The following ASTN2 variants were observed in gnomAD, a reference collection of about 807,000 sequenced individuals.
ASTN2 encodes the protein astrotactin-2.
ASTN2 carries 54 observed loss-of-function variants against 139.8 expected under a neutral mutation model. The observed-to-expected ratio is 0.39, with a 90% confidence interval of 0.31 to 0.48. The LOEUF (loss-of-function observed/expected upper bound fraction) is 0.48, where lower values mean the gene tolerates loss of function less well. Among genes scored for constraint, ASTN2 ranks in the 20% least tolerant of loss-of-function variants. ASTN2 has a pLI of 0.95. For missense variants in ASTN2, 1,565 were observed against 1,725.1 expected (o/e 0.91, Z 1.64); for synonymous variants, 756 against 719.5 (o/e 1.05, Z -0.81).
intron 12 of ASTN2, among the ~76,000 whole-genome samples, chr9:116,812,800 G>A (rs1831202060): frequency 1.3e-5 from 2 of 152,048 alleles, no homozygotes; most frequent in African/African-American, 4.8e-5. Context: ...GTGTGTGTAC[G>A]ACTTTAAGCA....
At chr9:117,378,074 G>C (rs1302354286) in intron 1 of ASTN2, among the ~76,000 whole-genome samples, 1 of 152,180 alleles carries the variant, frequency 6.6e-6, no homozygotes, top group East Asian at 1.9e-4. Context: ...TAAAAGGAAT[G>C]GCTTTATATG....
At chr9:117,297,216 C>T (rs944979299) in intron 1 of ASTN2, among the ~76,000 whole-genome samples, 2 of 152,182 alleles carry the variant, frequency 1.3e-5, no homozygotes, top group African/African-American at 4.8e-5. Context: ...GAGAAAGCTT[C>T]CAATGAGTTT....
chr9:116,618,295 C>T, intron 19 of ASTN2, 29 bp downstream of exon 19: 1 of 1,602,812 alleles, frequency 6.2e-7, no homozygotes, highest in South Asian at 1.1e-5. Flanking sequence ...GTCATACTAT[C>T]CCAAGAAAAT....
chr9:116,780,031 A>G (rs1448121284), intron 13 of ASTN2, among the ~76,000 whole-genome samples: 4 of 152,196 alleles, frequency 2.6e-5, no homozygotes, highest in Admixed American at 1.3e-4. Context: ...CTCATCACAC[A>G]TTCATTCACT....
intron 7 of ASTN2, among the ~76,000 whole-genome samples, chr9:116,982,256 C>T (rs1230894300): frequency 6.6e-6 from 1 of 152,206 alleles, no homozygotes; most frequent in Admixed American, 6.5e-5. Flanking sequence ...ATTGATTCTT[C>T]TCTCCCTGAG....
chr9:117,119,084 G>T (rs930122874), intron 4 of ASTN2, among the ~76,000 whole-genome samples: 2 of 152,154 alleles, frequency 1.3e-5, no homozygotes, highest in African/African-American at 4.8e-5. Flanking sequence ...CCAGCATTGG[G>T]TAGGCATTCA....
intron 3 of ASTN2, among the ~76,000 whole-genome samples, chr9:117,170,737 C>T (rs1223596359): frequency 6.6e-6 from 1 of 152,020 alleles, no homozygotes; most frequent in Non-Finnish European, 1.5e-5. Flanking sequence ...GATGAAACAC[C>T]TTGAGGCAGA....
intron 3 of ASTN2, among the ~76,000 whole-genome samples, chr9:117,173,908 T>C (rs1830852320): frequency 6.6e-6 from 1 of 151,742 alleles, no homozygotes; most frequent in African/African-American, 2.4e-5. Context: ...CAAAGTTTTT[T>C]TAAACCTTTT....
intron 3 of ASTN2, among the ~76,000 whole-genome samples, chr9:117,149,621 A>G (rs1043718739): frequency 1.3e-5 from 2 of 152,126 alleles, no homozygotes; most frequent in Non-Finnish European, 2.9e-5. Context: ...ACCCAACATA[A>G]ATGCAAAAAA....
At chr9:116,771,862 G>T (rs903449034) in intron 13 of ASTN2, among the ~76,000 whole-genome samples, 5 of 152,294 alleles carry the variant, frequency 3.3e-5, no homozygotes, top group African/African-American at 1.2e-4. Flanking sequence ...AGGCCAGGCA[G>T]CCAGGAGTGT....
intron 1 of ASTN2, among the ~76,000 whole-genome samples, chr9:117,342,872 G>A (rs1337074250): frequency 1.3e-5 from 2 of 152,168 alleles, no homozygotes; most frequent in Non-Finnish European, 2.9e-5. Flanking sequence ...CAAGGGTACT[G>A]TGGCATACTT....
At chr9:116,946,648 G>C (rs1835402118) in intron 10 of ASTN2, among the ~76,000 whole-genome samples, 2 of 152,080 alleles carry the variant, frequency 1.3e-5, no homozygotes, top group Non-Finnish European at 2.9e-5. Context: ...GGTTGAAGGG[G>C]TATCAAGCCT....
chr9:116,651,427 T>C (rs1857906583), intron 17 of ASTN2, 101 bp downstream of exon 17: 2 of 1,314,318 alleles, frequency 1.5e-6, no homozygotes, highest in South Asian at 2.8e-5. Context: ...GATGATATGA[T>C]GATGATCATG....
chr9:116,668,304 G>A (rs539044318), intron 16 of ASTN2, among the ~76,000 whole-genome samples: 6 of 149,562 alleles, frequency 4.0e-5, no homozygotes, highest in South Asian at 2.3e-4. Context: ...CGATTCTCCC[G>A]CCTCAGCCTC....
At chr9:116,441,144 T>C (rs1321920) in intron 21 of ASTN2, among the ~76,000 whole-genome samples, 145,094 of 152,196 alleles carry the variant, frequency 0.95, 69,392 homozygotes, top group Non-Finnish European at 1. Flanking sequence ...CTTAAATAAA[T>C]TGTCTTGGAT....
chr9:116,546,403 A>C (rs1852092500), intron 19 of ASTN2: 1 of 152,192 alleles, frequency 6.6e-6, no homozygotes, highest in African/African-American at 2.4e-5. Flanking sequence ...TCAGAGATGT[A>C]AGCTGACTTG....
chr9:116,958,734 A>T (rs1014306260), intron 10 of ASTN2, among the ~76,000 whole-genome samples: 1 of 152,160 alleles, frequency 6.6e-6, no homozygotes, highest in Non-Finnish European at 1.5e-5. Flanking sequence ...CTAGGATCAT[A>T]ATAGTCCCAG....
intron 3 of ASTN2, among the ~76,000 whole-genome samples, chr9:117,163,623 A>G (rs1211743811): frequency 6.6e-6 from 1 of 152,104 alleles, no homozygotes; most frequent in Non-Finnish European, 1.5e-5. Context: ...ATTACTTAGC[A>G]TGGAAGTGGC....
At chr9:116,518,205 A>G (rs1850728327) in intron 19 of ASTN2, among the ~76,000 whole-genome samples, 1 of 152,220 alleles carries the variant, frequency 6.6e-6, no homozygotes, top group Non-Finnish European at 1.5e-5. Flanking sequence ...GCACACAGTC[A>G]TCAGGTTATC....
Sources: allele counts gnomAD v4.1 joint callset (sites outside exome capture counted in the v4.1 genomes callset), GRCh38; gene constraint gnomAD v4.1.1; transcripts MANE v1.5; gene names NCBI Gene and HGNC (gene_info 2026-07-23, HGNC 2026-07-21).